Variants in MINDY4 observed in about 807,000 individuals in gnomAD.
MINDY4 encodes the protein probable ubiquitin carboxyl-terminal hydrolase MINDY-4.
Under a neutral mutation model 87.0 loss-of-function variants are expected in MINDY4, and 68 were observed. That is an observed-to-expected ratio of 0.78 (90% CI 0.64 to 0.96). MINDY4 has a LOEUF of 0.96. Ranked by LOEUF, MINDY4 falls within the 40% of genes least tolerant of loss-of-function variation. The pLI is 0.00. For missense variants in MINDY4, 919 were observed against 928.2 expected (o/e 0.99, Z 0.13); for synonymous variants, 379 against 363.2 (o/e 1.04, Z -0.50).
chr7:30,828,622 G>A, intron 5 of MINDY4, 57 bp from the exon 6 acceptor site: 1 of 1,562,742 alleles, frequency 6.4e-7, no homozygotes, highest in Non-Finnish European at 8.8e-7. Flanking sequence ...AGTCTTCTCT[G>A]CCGTTTACAT....
Position 30,778,605 on chromosome 7 carries a change from C to CAA in MINDY4, c.183+56_183+57dup, listed in dbSNP as rs1436938890. On this transcript the variant is annotated intron_variant, in intron 2 of 17. Coordinates refer to ENST00000265299, the MANE Select transcript of MINDY4 (RefSeq NM_032222.3). Reference sequence around the variant, plus strand: ...GTCTTGGAACTGAGTTTGGCACTGCCAAAGCACTCATGGGCCCTGCCAGTG... The same window carrying CAA: ...GTCTTGGAACTGAGTTTGGCACTGCCAAAAAGCACTCATGGGCCCTGCCAGTG... The CAA allele has an allele frequency of 1.1e-5, 18 of 1,605,578 alleles. No individual in the cohort carries two copies. The East Asian group carries it at 3.8e-4, about 34-fold the overall frequency.
chr7:30,819,948 C>G (rs965473375), intron 5 of MINDY4, among the ~76,000 whole-genome samples: 3 of 125,354 alleles, frequency 2.4e-5, no homozygotes, highest in African/African-American at 9.7e-5. Flanking sequence ...GTCGCCCAGG[C>G]TGGAGTGCAG....
chr7:30,777,903 A>G (rs954883250), intron 1 of MINDY4, among the ~76,000 whole-genome samples: 2 of 152,192 alleles, frequency 1.3e-5, no homozygotes, highest in African/African-American at 4.8e-5. Context: ...GTCTTCTGGC[A>G]GTTCAGGGTG....
In MINDY4 at chr7:30,798,504, C is replaced by CT. The variant is rs1242382024; in HGVS notation, c.1073+6940dup. ...CCTCTGGTCTGCATGTTACTTTCTT[C>CT]TTTTTTTTTTGAGACAGAGTCTCGC... is the stretch of plus-strand genomic sequence containing the variant. On this transcript the variant is annotated intron_variant, in intron 5 of 17. Transcript: ENST00000265299. 4.9e-3 allele frequency among the ~76,000 whole-genome samples: 735 copies of CT among 149,798 alleles called. 4 individuals are homozygous for CT. Among genetic ancestry groups the CT allele is most frequent in the African/African-American group, 0.017 (681 of 40,918 alleles).
At chr7:30,777,014 C>CA (rs1554276894) in intron 1 of MINDY4, among the ~76,000 whole-genome samples, 11 of 128,994 alleles carry the variant, frequency 8.5e-5, no homozygotes, top group Non-Finnish European at 1.8e-4. Flanking sequence ...TTTTCTTTTT[C>CA]TTTTTTTTTT....
intron 15 of MINDY4, among the ~76,000 whole-genome samples, chr7:30,879,554 C>T (rs1258154712): frequency 3.3e-5 from 5 of 152,258 alleles, no homozygotes; most frequent in Non-Finnish European, 1.5e-5. Flanking sequence ...CCTCAGCCCG[C>T]ACCACTCTCT....
intron 5 of MINDY4, among the ~76,000 whole-genome samples, chr7:30,804,557 G>A (rs948461130): frequency 2.0e-5 from 3 of 152,180 alleles, no homozygotes; most frequent in Non-Finnish European, 2.9e-5. Flanking sequence ...AGATGAGTGT[G>A]ATAAGGGATC....
At chr7:30,881,621 C>T (rs1790465686) in intron 15 of MINDY4, among the ~76,000 whole-genome samples, 1 of 152,200 alleles carries the variant, frequency 6.6e-6, no homozygotes, top group Non-Finnish European at 1.5e-5. Flanking sequence ...ATCTGTCGAG[C>T]ATGAGGCAGA....
Position 30,782,085 on chromosome 7 carries a change from C to A in MINDY4, c.292C>A (p.Leu98Ile), listed in dbSNP as rs201284950. The A allele has an allele frequency of 1.9e-5, 30 of 1,614,070 alleles. No homozygotes were observed. Among genetic ancestry groups the A allele is most frequent in the Middle Eastern group, 3.3e-4 (2 of 6,062 alleles). Residue 98 changes from leucine to isoleucine, a missense_variant, in exon 3 of 18, where the codon CTC becomes ATC. Coordinates refer to ENST00000265299, the MANE Select transcript of MINDY4 (RefSeq NM_032222.3). ...CACTCAAGATACCCCAATCCCTGCA[C>A]TCTCAGTTCCAAAGAAAAATAACAA... ...NFTQDTPIPA[L>I]SVPKKNNKVP...
chr7:30,885,523 A>G (rs1790603578), intron 17 of MINDY4, among the ~76,000 whole-genome samples: 1 of 152,190 alleles, frequency 6.6e-6, no homozygotes, highest in Non-Finnish European at 1.5e-5. Context: ...AAAAAAACAA[A>G]CAAACAAAAA....
chr7:30,771,500 A>T lies in MINDY4; in HGVS notation c.7A>T (p.Ser3Cys), dbSNP rs1255569924. The change falls in exon 1 of 18, where the codon AGC (serine) becomes TGC (cysteine). Residue 3 changes from serine to cysteine, a missense_variant. By Grantham distance (112) the Ser-to-Cys change is moderately radical. Coordinates refer to ENST00000265299, the MANE Select transcript of MINDY4 (RefSeq NM_032222.3). ...CAGAGCCAGAGCCAGAGCCATGGAC[A>T]GCCTCTTCGTGGAGGAGGTGGCCGC... MDSLFVEEVAASL... is the reference protein window; with the variant it reads MDCLFVEEVAASL... The T allele has an allele frequency of 6.2e-7, 1 of 1,605,472 alleles. No individual in the cohort carries two copies. The highest frequency in any genetic ancestry group is 8.5e-7 in the Non-Finnish European group (1 of 1,177,186).
intron 6 of MINDY4, among the ~76,000 whole-genome samples, chr7:30,833,951 T>C (rs568026471): frequency 6.6e-6 from 1 of 152,266 alleles, no homozygotes. Flanking sequence ...TGGGCAGCTC[T>C]GCCCCTGTGG....
intron 13 of MINDY4, among the ~76,000 whole-genome samples, chr7:30,865,883 A>G (rs1337592350): frequency 6.6e-6 from 1 of 152,220 alleles, no homozygotes; most frequent in Non-Finnish European, 1.5e-5. Flanking sequence ...GAGGGGTAAC[A>G]GGAGCTGCTC....
intron 9 of MINDY4, among the ~76,000 whole-genome samples, chr7:30,848,797 T>C (rs566514898): frequency 1.3e-5 from 2 of 152,230 alleles, no homozygotes; most frequent in African/African-American, 2.4e-5. Context: ...GCTTGTCTCA[T>C]TGGATTTGAA....
chr7:30,882,812 G>A, intron 16 of MINDY4, 109 bp from the exon 17 acceptor site: 2 of 904,228 alleles, frequency 2.2e-6, no homozygotes, highest in Non-Finnish European at 3.6e-6. Context: ...GAGATGGAGA[G>A]GAGGGGACAG....
chr7:30,868,546 G>A (rs1790007698), intron 13 of MINDY4, among the ~76,000 whole-genome samples: 1 of 152,200 alleles, frequency 6.6e-6, no homozygotes, highest in Admixed American at 6.5e-5. Context: ...GTGGAGAAGG[G>A]AAGCAGAGAG....
rs141459059 is a variant in MINDY4 at position 30,878,426 on chromosome 7, G to A, written c.1971+2770G>A. Among the ~76,000 whole-genome samples, 696 of 152,244 alleles carry A rather than the reference G, an allele frequency of 4.6e-3. 7 individuals carry two copies. The highest frequency in any genetic ancestry group is 7.6e-3 in the Non-Finnish European group (515 of 68,010). ...ACTCACCCCCTGCCATAAGTAACTG[G>A]TCCGGCCTGGCTGTGTCCTGCCGGA... On this transcript the variant is annotated intron_variant, in intron 15 of 17. Coordinates refer to ENST00000265299, the MANE Select transcript of MINDY4 (RefSeq NM_032222.3).
intron 13 of MINDY4, among the ~76,000 whole-genome samples, chr7:30,859,757 C>T (rs747384285): frequency 6.6e-6 from 1 of 152,196 alleles, no homozygotes. Context: ...GTGGACAAGG[C>T]TGGCATCCTG....
chr7:30,872,301 A>G lies in MINDY4; in HGVS notation c.1804A>G (p.Thr602Ala), dbSNP rs1280980518. 2.5e-6 allele frequency: 4 copies of G among 1,613,938 alleles called. No individual in the cohort carries two copies. The highest frequency in any genetic ancestry group is 2.2e-5 in the East Asian group (1 of 44,880). ...SHLIGAHGYC[T>A]QELVNLLLTG... The stretch of plus-strand genomic sequence containing the variant: ...CCTGATTGGAGCACATGGCTACTGT[A>G]CACAGGTCAGGGGGCGCTGTGGGGC... Residue 602 changes from threonine (T) to alanine (A), a missense_variant, in exon 14 of 18, where the codon ACA (threonine) becomes GCA (alanine). By Grantham distance (58) the Thr-to-Ala change is moderately conservative. Coordinates refer to ENST00000265299, the MANE Select transcript of MINDY4 (RefSeq NM_032222.3).
Sources: gnomAD v4.1 joint callset for allele counts (sites outside exome capture counted in the v4.1 genomes callset) on GRCh38, gnomAD v4.1.1 for gene constraint, MANE v1.5 for transcripts, NCBI Gene and HGNC (gene_info 2026-07-23, HGNC 2026-07-21) for gene names.